KCNAB1: variants seen among roughly 807,000 people sequenced by gnomAD.
KCNAB1 encodes potassium voltage-gated channel subfamily A regulatory beta subunit 1, also known as voltage-gated potassium channel subunit beta-1.
Under a neutral mutation model 64.6 loss-of-function variants are expected in KCNAB1, and 35 were observed. That is an observed-to-expected ratio of 0.54 (90% confidence interval 0.41 to 0.72). The LOEUF is 0.72. Ranked by LOEUF, KCNAB1 falls within the 30% of genes least tolerant of loss-of-function variation. The pLI is 0.00. For synonymous variants in KCNAB1, 177 were observed against 183.8 expected (o/e 0.96, Z 0.30); for missense variants, 401 against 512.9 (o/e 0.78, Z 2.11).
chr3:156,198,913 A>ATTTTTTTTTTTTTTTTTTT (rs71138701), intron 1 of KCNAB1, among the ~76,000 whole-genome samples: 1 of 21,288 alleles, frequency 4.7e-5, no homozygotes, highest in Non-Finnish European at 9.0e-5. Flanking sequence ...TTATATTTTG[A>ATTTTTTTTTTTTTTTTTTT]TTTTTTTTTT....
chr3:156,397,224 C>T (rs1361703674), intron 1 of KCNAB1, among the ~76,000 whole-genome samples: 1 of 152,164 alleles, frequency 6.6e-6, no homozygotes, highest in African/African-American at 2.4e-5. Context: ...AGCCACTGAA[C>T]TTCTCTATGA....
intron 1 of KCNAB1, among the ~76,000 whole-genome samples, chr3:156,417,219 A>C (rs1264346586): frequency 1.3e-5 from 2 of 152,250 alleles, no homozygotes; most frequent in African/African-American, 2.4e-5. Flanking sequence ...TTTCTTAAAA[A>C]AAACAAACAA....
intron 1 of KCNAB1, chr3:156,227,966 T>C (rs2108429528): frequency 6.6e-6 from 1 of 152,358 alleles, no homozygotes; most frequent in East Asian, 1.9e-4. Context: ...CATTTAGCAG[T>C]GGAATCCTAG....
chr3:156,129,899 C>T (rs1713890770), intron 1 of KCNAB1, among the ~76,000 whole-genome samples: 1 of 152,194 alleles, frequency 6.6e-6, no homozygotes, highest in African/African-American at 2.4e-5. Context: ...TTCATTCATA[C>T]CCTGATTTAA....
chr3:156,371,120 A>G (rs761456034), intron 1 of KCNAB1, among the ~76,000 whole-genome samples: 31 of 152,346 alleles, frequency 2.0e-4, no homozygotes, highest in Admixed American at 1.2e-3. Context: ...ATTGAGAAGT[A>G]TCTGCCATAC....
At chr3:156,442,584 T>A (rs1164005623) in intron 2 of KCNAB1, among the ~76,000 whole-genome samples, 3 of 152,196 alleles carry the variant, frequency 2.0e-5, no homozygotes. Flanking sequence ...GGAACTTTAA[T>A]CAATCCCAGA....
intron 1 of KCNAB1, among the ~76,000 whole-genome samples, chr3:156,394,548 C>G (rs1414526305): frequency 2.0e-5 from 3 of 152,084 alleles, no homozygotes; most frequent in African/African-American, 7.2e-5. Context: ...TGTCAACTCC[C>G]CATCACAATT....
intron 4 of KCNAB1, among the ~76,000 whole-genome samples, chr3:156,457,768 G>A (rs757045473): frequency 6.6e-6 from 1 of 152,150 alleles, no homozygotes; most frequent in Non-Finnish European, 1.5e-5. Flanking sequence ...TGGGCTGAAG[G>A]GGTATATGAC....
chr3:156,149,318 C>G (rs1715248760), intron 1 of KCNAB1, among the ~76,000 whole-genome samples: 1 of 151,914 alleles, frequency 6.6e-6, no homozygotes, highest in Admixed American at 6.6e-5. Context: ...CAGGCTAGAT[C>G]AACAGAAAAG....
chr3:156,134,092 G>A (rs1385621265), intron 1 of KCNAB1, among the ~76,000 whole-genome samples: 1 of 152,114 alleles, frequency 6.6e-6, no homozygotes, highest in East Asian at 1.9e-4. Flanking sequence ...TCTAATTTAA[G>A]TGTCAAGGCT....
chr3:156,286,568 A>G (rs1720108212), intron 1 of KCNAB1, among the ~76,000 whole-genome samples: 1 of 152,224 alleles, frequency 6.6e-6, no homozygotes, highest in Non-Finnish European at 1.5e-5. Context: ...ATCAATCAAT[A>G]ACTTGCCAGG....
At chr3:156,462,439 A>G (rs979617473) in intron 5 of KCNAB1, among the ~76,000 whole-genome samples, 5 of 152,236 alleles carry the variant, frequency 3.3e-5, no homozygotes, top group Admixed American at 2.0e-4. Flanking sequence ...GATTGCTATT[A>G]TAATAGGTAT....
At chr3:156,303,270 T>G (rs1265529227) in intron 1 of KCNAB1, among the ~76,000 whole-genome samples, 1 of 152,172 alleles carries the variant, frequency 6.6e-6, no homozygotes. Context: ...GTCTATATAC[T>G]CTCTCTTGGC....
intron 6 of KCNAB1, among the ~76,000 whole-genome samples, chr3:156,464,674 G>T (rs1471271334): frequency 6.6e-6 from 1 of 151,976 alleles, no homozygotes; most frequent in African/African-American, 2.4e-5. Context: ...ACTCTATTTT[G>T]TTGTTGGTTT....
At chr3:156,395,544 C>CAAAAAAAAAAAAAAAAAAA (rs61017269) in intron 1 of KCNAB1, among the ~76,000 whole-genome samples, 3 of 25,462 alleles carry the variant, frequency 1.2e-4, no homozygotes, top group Non-Finnish European at 2.2e-4. Context: ...GACTCCGTCT[C>CAAAAAAAAAAAAAAAAAAA]AAAAAAAAAA....
chr3:156,197,964 T>A (rs1326576130), intron 1 of KCNAB1, among the ~76,000 whole-genome samples: 1 of 152,230 alleles, frequency 6.6e-6, no homozygotes, highest in African/African-American at 2.4e-5. Context: ...CTTAACTGTG[T>A]CCCAGAGATT....
intron 8 of KCNAB1, among the ~76,000 whole-genome samples, chr3:156,482,702 C>G (rs1714919014): frequency 6.6e-6 from 1 of 152,032 alleles, no homozygotes; most frequent in Non-Finnish European, 1.5e-5. Flanking sequence ...GTTTTCTTAT[C>G]TGTAGAACGT....
chr3:156,315,149 T>C (rs1465205018), intron 1 of KCNAB1, among the ~76,000 whole-genome samples: 1 of 152,194 alleles, frequency 6.6e-6, no homozygotes, highest in Non-Finnish European at 1.5e-5. Context: ...ATTTCCAACA[T>C]CAGAGAATGA....
intron 1 of KCNAB1, among the ~76,000 whole-genome samples, chr3:156,262,729 T>C (rs1019803446): frequency 2.0e-5 from 3 of 151,942 alleles, no homozygotes; most frequent in Non-Finnish European, 4.4e-5. Flanking sequence ...CCAAAAGAGT[T>C]TGTAAAGGAT....
Sources: gnomAD v4.1 joint callset for allele counts (sites outside exome capture counted in the v4.1 genomes callset) on GRCh38, gnomAD v4.1.1 for gene constraint, MANE v1.5 for transcripts, NCBI Gene and HGNC (gene_info 2026-07-23, HGNC 2026-07-21) for gene names.